The following BPIFB4 variants were observed in gnomAD, a reference collection of about 807,000 sequenced individuals.
The protein encoded by BPIFB4 is BPI fold-containing family B member 4.
Under a neutral mutation model 69.2 loss-of-function variants are expected in BPIFB4, and 62 were observed. The ratio of observed to expected loss-of-function variants is 0.90; its 90% CI spans 0.73 to 1.11. The LOEUF (loss-of-function observed/expected upper bound fraction) is 1.11, where lower values mean the gene tolerates loss of function less well. BPIFB4 is among the 50% of genes least tolerant of loss of function. The pLI is 0.00. For synonymous variants in BPIFB4, 330 were observed against 332.7 expected, an observed-to-expected ratio of 0.99 and a Z score of 0.09; for missense variants, 789 against 792.0, an observed-to-expected ratio of 1.00 and a Z score of 0.04.
In BPIFB4 at chr20:33,083,458, T is replaced by G; in HGVS notation, c.261T>G (p.Tyr87Ter). The change falls in exon 5 of 18, where the codon TAT becomes TAG. Residue 87 changes from tyrosine (Y) to a stop codon, truncating the protein, a stop_gained. Coordinates refer to ENST00000375483, the MANE Select transcript of BPIFB4 (RefSeq NM_182519.3). LOFTEE classifies it high-confidence loss of function. ...AAAAACTTGATGGTATTTACCAGTA[T>G]GGTCACATTGAGACCAACGACAACA... is the stretch of plus-strand genomic sequence containing the variant. ...NGKKLDGIYQ[Y>*]GHIETNDNTA... 6.2e-7 allele frequency: 1 copy of G among 1,613,682 alleles called. No individual in the cohort carries two copies. Among genetic ancestry groups the G allele is most frequent in the Non-Finnish European group, 8.5e-7 (1 of 1,179,896 alleles).
At chr20:33,091,325 T>A (rs540942101) in intron 10 of BPIFB4, among the ~76,000 whole-genome samples, 6 of 152,344 alleles carry the variant, frequency 3.9e-5, no homozygotes, top group African/African-American at 1.4e-4. Context: ...AAAACTCCCA[T>A]CATGGACAGC....
In BPIFB4 at chr20:33,088,998, A is replaced by T. The variant is rs2889732; in HGVS notation, c.959A>T (p.Asn320Ile). Residue 320 changes from asparagine to isoleucine, a missense_variant, in exon 8 of 18, where the codon AAC becomes ATC. Asn to Ile is a moderately radical substitution (Grantham distance 149). Transcript: ENST00000375483. ...LLPNLVDNLV[N>I]RVLADVLPDL... ...CCCAATCTCGTGGACAATTTAGTGAACCGAGTCCTGGCCGACGTCCTCCCT... is the reference window on the plus strand; with the variant it reads ...CCCAATCTCGTGGACAATTTAGTGATCCGAGTCCTGGCCGACGTCCTCCCT... The T allele has an allele frequency of 6.2e-7, 1 of 1,613,284 alleles. No homozygotes were observed.
chr20:33,082,790 C>A, intron 3 of BPIFB4, 148 bp from the exon 4 acceptor site: 1 of 759,388 alleles, frequency 1.3e-6, no homozygotes, highest in Non-Finnish European at 2.3e-6. Context: ...GCTAGATCAG[C>A]CTGGAGAAGT....
At chr20:33,098,619 C>T (rs891585519) in intron 13 of BPIFB4, among the ~76,000 whole-genome samples, 1 of 151,956 alleles carries the variant, frequency 6.6e-6, no homozygotes, top group Admixed American at 6.6e-5. Context: ...GTGGCACACA[C>T]CTGTAGTCCC....
intron 16 of BPIFB4, among the ~76,000 whole-genome samples, chr20:33,106,435 C>T (rs1426533683): frequency 1.4e-5 from 2 of 145,378 alleles, no homozygotes; most frequent in African/African-American, 2.5e-5. Flanking sequence ...TACAGTGGCA[C>T]GATCTCGGCT....
intron 17 of BPIFB4, among the ~76,000 whole-genome samples, chr20:33,109,729 T>C (rs1463708124): frequency 6.6e-6 from 1 of 152,230 alleles, no homozygotes; most frequent in Non-Finnish European, 1.5e-5. Context: ...GTTTTTGAAA[T>C]ATAGGTATAC....
intron 12 of BPIFB4, among the ~76,000 whole-genome samples, chr20:33,095,924 C>T (rs188392655): frequency 1.4e-4 from 22 of 152,212 alleles, no homozygotes; most frequent in African/African-American, 4.8e-4. Flanking sequence ...TGGTTCTGGG[C>T]CTATTACCTT....
chr20:33,083,262 T>G, intron 4 of BPIFB4, 105 bp from the exon 5 acceptor site: 2 of 864,566 alleles, frequency 2.3e-6, no homozygotes, highest in Non-Finnish European at 3.1e-6. Context: ...GGTGGGGGGT[T>G]GCTGGGTGGC....
At chr20:33,103,840 T>A (rs1038918312) in intron 15 of BPIFB4, among the ~76,000 whole-genome samples, 4 of 152,336 alleles carry the variant, frequency 2.6e-5, no homozygotes, top group East Asian at 3.9e-4. Flanking sequence ...CCCAGCTGGT[T>A]GGGGCAGAGT....
intron 15 of BPIFB4, among the ~76,000 whole-genome samples, chr20:33,103,826 G>A (rs1313163839): frequency 6.6e-6 from 1 of 152,228 alleles, no homozygotes; most frequent in Non-Finnish European, 1.5e-5. Flanking sequence ...ACTGCCCAAG[G>A]CTTCCCAGCT....
At chr20:33,098,979 T>G (rs1261930111) in intron 13 of BPIFB4, among the ~76,000 whole-genome samples, 2 of 150,688 alleles carry the variant, frequency 1.3e-5, no homozygotes, top group Admixed American at 6.6e-5. Context: ...GTTACTCCCT[T>G]ACTTCCTTTT....
chr20:33,104,776 C>T, intron 15 of BPIFB4, 34 bp from the exon 16 acceptor site: 1 of 1,609,234 alleles, frequency 6.2e-7, no homozygotes, highest in South Asian at 1.1e-5. Context: ...AGCAAACCCC[C>T]TGCCCAGGCT....
chr20:33,090,603 G>A, intron 9 of BPIFB4, 105 bp from the exon 10 acceptor site: 1 of 1,544,064 alleles, frequency 6.5e-7, no homozygotes, highest in Non-Finnish European at 8.8e-7. Context: ...GGTGTCTGGA[G>A]CTGGAGCCTG....
intron 10 of BPIFB4, 75 bp from the exon 11 acceptor site, chr20:33,092,383 G>T (rs906892178): frequency 9.4e-6 from 13 of 1,378,074 alleles, no homozygotes; most frequent in Non-Finnish European, 1.1e-5. Context: ...CAGATTCAGG[G>T]CCTCACTCCA....
chr20:33,108,626 C>T (rs565705547), intron 17 of BPIFB4, among the ~76,000 whole-genome samples: 1 of 152,112 alleles, frequency 6.6e-6, no homozygotes, highest in South Asian at 2.1e-4. Flanking sequence ...AGCTGGGTAA[C>T]CTCTCCAAGC....
intron 17 of BPIFB4, among the ~76,000 whole-genome samples, chr20:33,108,423 C>CTATATATATATATATAGATATA: frequency 8.0e-6 from 1 of 125,704 alleles, no homozygotes; most frequent in East Asian, 2.1e-4. Context: ...ATATATATGT[C>CTATATATATATATATAGATATA]TATATATATA....
chr20:33,079,857 G>C (rs188549947), intron 1 of BPIFB4, among the ~76,000 whole-genome samples, 154 bp downstream of exon 1: 12 of 152,224 alleles, frequency 7.9e-5, no homozygotes, highest in South Asian at 4.1e-4. Flanking sequence ...AGTCAGGAGA[G>C]CCTCTTGGGA....
At chr20:33,087,864 A>G (rs1485386843) in intron 7 of BPIFB4, among the ~76,000 whole-genome samples, 2 of 152,156 alleles carry the variant, frequency 1.3e-5, no homozygotes, top group African/African-American at 4.8e-5. Flanking sequence ...GGGGACCGAA[A>G]TGCATAGTTA....
At position 33,097,733 on chromosome 20, in the gene BPIFB4, G is replaced by T. The variant is rs762829849; in HGVS notation, c.1515G>T (p.Glu505Asp). The T allele has an allele frequency of 2.5e-6, 4 of 1,614,204 alleles. No individual in the cohort carries two copies. The highest frequency in any genetic ancestry group is 3.4e-6 in the Non-Finnish European group (4 of 1,180,024). The change falls in exon 13 of 18, where the codon GAG (glutamate) becomes GAT (aspartate). Residue 505 changes from glutamate to aspartate, a missense_variant. Transcript: ENST00000375483. ...TGGTGAAGGTGTTGGCCACTGCCGAGGTCATGGTCTCCCAGCCCAAAGACC... is the reference window on the plus strand; with the variant it reads ...TGGTGAAGGTGTTGGCCACTGCCGATGTCATGGTCTCCCAGCCCAAAGACC... ...KALVKVLATA[E>D]VMVSQPKDLE...
Sources: gnomAD v4.1 joint callset for allele counts (sites outside exome capture counted in the v4.1 genomes callset) on GRCh38, gnomAD v4.1.1 for gene constraint, MANE v1.5 for transcripts, NCBI Gene and HGNC (gene_info 2026-07-23, HGNC 2026-07-21) for gene names.